UGT2B4: variants seen among roughly 807,000 people sequenced by gnomAD.
UGT2B4 encodes UDP glucuronosyltransferase family 2 member B4.
Under a neutral mutation model 49.8 loss-of-function variants are expected in UGT2B4, and 49 were observed. The observed-to-expected ratio is 0.98, with a 90% CI of 0.78 to 1.25. UGT2B4 has a LOEUF of 1.25. UGT2B4 is among the 50% of genes most tolerant of loss of function. The pLI, the probability that UGT2B4 is intolerant of heterozygous loss-of-function variation, is 0.00. For synonymous variants in UGT2B4, 246 were observed against 217.7 expected (o/e 1.13, Z -1.14); for missense variants, 729 against 627.7 (o/e 1.16, Z -1.73).
rs370531105 is a variant in UGT2B4, at chr4:69,495,328, G to T, written c.534C>A (p.Tyr178Ter). 4.5e-5 allele frequency: 73 copies of T among 1,612,568 alleles called. No homozygotes were observed. The Admixed American group carries it at 8.7e-4, about 19-fold the overall frequency. ...FVYSLRFSPG[Y>*]AIEKHSGGLL... ...GTCCTCCACTATGCTTTTCAATTGC[G>T]TAGCCAGGAGAGAAGCGGAGGCTGT... Residue 178 changes from tyrosine (Y) to a stop codon, truncating the protein, a stop_gained, in exon 1 of 6, where the codon TAC (tyrosine) becomes TAA (stop). Transcript: ENST00000305107. LOFTEE classifies it high-confidence loss of function.
rs780277197 is a variant in UGT2B4, at chr4:69,495,794, C to G, written c.68G>C (p.Cys23Ser). 2.5e-6 allele frequency: 4 copies of G among 1,613,656 alleles called. No homozygotes were observed. The East Asian group carries it at 8.9e-5, about 36-fold the overall frequency. Residue 23 changes from cysteine to serine, a missense_variant, in exon 1 of 6, where the codon TGT (cysteine) becomes TCT (serine). Coordinates refer to ENST00000305107, the MANE Select transcript of UGT2B4 (RefSeq NM_021139.3). ...QLSCYFSSGS[C>S]GKVLVWPTEF... Reference sequence around the variant, plus strand: ...TGTGGGCCACACCAGCACCTTTCCACAACTCCCAGAGCTAAAGTAACAGCT... The same window carrying G: ...TGTGGGCCACACCAGCACCTTTCCAGAACTCCCAGAGCTAAAGTAACAGCT...
chr4:69,508,150 A>G (rs1728521612), intron 1 of UGT2B4, among the ~76,000 whole-genome samples: 2 of 152,232 alleles, frequency 1.3e-5, no homozygotes, highest in Admixed American at 1.3e-4. Context: ...ATGAGATACC[A>G]ACTCACACCA....
chr4:69,486,244 A>G (rs1201632232), intron 4 of UGT2B4, among the ~76,000 whole-genome samples: 3 of 152,168 alleles, frequency 2.0e-5, no homozygotes, highest in Non-Finnish European at 4.4e-5. Flanking sequence ...ATCCCTGGTG[A>G]TAGCAGAAGA....
At chr4:69,485,018 T>C (rs1389222688) in intron 5 of UGT2B4, among the ~76,000 whole-genome samples, 190 bp downstream of exon 5, 1 of 152,186 alleles carries the variant, frequency 6.6e-6, no homozygotes, top group Non-Finnish European at 1.5e-5. Context: ...TAATTGATTA[T>C]TCATTAAATG....
intron 2 of UGT2B4, among the ~76,000 whole-genome samples, chr4:69,492,180 T>G (rs1218375492): frequency 6.6e-6 from 1 of 152,040 alleles, no homozygotes; most frequent in Non-Finnish European, 1.5e-5. Flanking sequence ...TTTCTGTGCT[T>G]CTCTCTCAGG....
chr4:69,500,687 G>C, upstream of UGT2B4, among the ~76,000 whole-genome samples: 1 of 140,700 alleles, frequency 7.1e-6, no homozygotes, highest in Admixed American at 7.1e-5. Flanking sequence ...AGAAAAGAAA[G>C]CAAGCAGGAT....
chr4:69,500,618 A>AAAG (rs1560438355), upstream of UGT2B4, among the ~76,000 whole-genome samples: 16 of 82,470 alleles, frequency 1.9e-4, 1 homozygote, highest in African/African-American at 5.6e-4. Context: ...AGAAAGAAAG[A>AAAG]AAGAAAGAAA....
intron 2 of UGT2B4, among the ~76,000 whole-genome samples, chr4:69,493,047 C>G (rs1489553234): frequency 6.6e-6 from 1 of 152,090 alleles, no homozygotes; most frequent in Non-Finnish European, 1.5e-5. Context: ...TCTTATCTTG[C>G]CTATCAGCAT....
chr4:69,502,122 T>TTTCTTTCTTTCTTTCTTTCTTTCTTTC lies in UGT2B4; in HGVS notation c.-105-6183_-105-6157dup, dbSNP rs1553896679. ...CTTTCTTTCTTTCTTTCTTTCTTTC[T>TTTCTTTCTTTCTTTCTTTCTTTCTTTC]TTCTTTCTTTCTTTCTTTCTTTCTT... is the stretch of plus-strand genomic sequence containing the variant. On this transcript the variant is annotated intron_variant, in intron 1 of 1. Coordinates refer to the UGT2B4 transcript ENST00000510114. 2.1e-3 allele frequency among the ~76,000 whole-genome samples: 302 copies of TTTCTTTCTTTCTTTCTTTCTTTCTTTC among 141,548 alleles called. 13 individuals carry two copies. Among genetic ancestry groups the TTTCTTTCTTTCTTTCTTTCTTTCTTTC allele is most frequent in the African/African-American group, 7.5e-3 (271 of 36,002 alleles). The allele number at this position is 141,548 out of a possible 152,430, so 92.9% of individuals were successfully genotyped here. A position where few individuals can be genotyped will look rare whatever the true frequency, so the allele number is the denominator to read the frequency against.
chr4:69,501,173 G>A (rs912733530), intron 1 of UGT2B4, among the ~76,000 whole-genome samples: 6 of 149,696 alleles, frequency 4.0e-5, no homozygotes, highest in Non-Finnish European at 8.9e-5. Flanking sequence ...GTGCAGTGAG[G>A]ACTGCCATTT....
chr4:69,489,575 GA>G lies in UGT2B4; in HGVS notation c.871-6del, dbSNP rs199604241. On this transcript the variant is annotated splice_polypyrimidine_tract_variant and splice_region_variant and intron_variant, in intron 2 of 5. Transcript: ENST00000305107. ...CTGGACAAACTCTTCCATTTCCTGT[GA>G]AAAAAAAGAATTTGTTCTATCATAA... The G allele has an allele frequency of 1.2e-3, 1,923 of 1,595,084 alleles. 35 individuals carry two copies. In the East Asian group the frequency reaches 0.039, roughly 32 times the overall value.
intron 1 of UGT2B4, among the ~76,000 whole-genome samples, chr4:69,502,801 G>A (rs901949203): frequency 1.3e-5 from 2 of 152,104 alleles, no homozygotes; most frequent in Non-Finnish European, 2.9e-5. Context: ...GACCCTAAAT[G>A]CCATATTCAC....
chr4:69,494,004 A>G (rs1461355978), intron 1 of UGT2B4, among the ~76,000 whole-genome samples, 163 bp from the exon 2 acceptor site: 4 of 152,126 alleles, frequency 2.6e-5, no homozygotes, highest in Non-Finnish European at 4.4e-5. Context: ...ATTTTTATGT[A>G]TTATATATTT....
intron 3 of UGT2B4, among the ~76,000 whole-genome samples, chr4:69,487,905 T>G (rs761224915): frequency 8.5e-5 from 13 of 152,214 alleles, no homozygotes; most frequent in Non-Finnish European, 1.5e-4. Flanking sequence ...CTACCAAATT[T>G]AATATTAATT....
At chr4:69,504,332 T>C (rs1159821212) in intron 1 of UGT2B4, among the ~76,000 whole-genome samples, 1 of 152,028 alleles carries the variant, frequency 6.6e-6, no homozygotes, top group African/African-American at 2.4e-5. Context: ...AAAATGATAA[T>C]AAATTATCAT....
rs41292303 is a variant in UGT2B4, at chr4:69,489,374, G to A, written c.1002+65C>T. The stretch of plus-strand genomic sequence containing the variant: ...ATAGGCAGGAAGTTTCTACAATTGG[G>A]TTCTTTACAAACTTTAACAGCCTCT... On this transcript the variant is annotated intron_variant, in intron 3 of 5. Coordinates refer to ENST00000305107, the MANE Select transcript of UGT2B4 (RefSeq NM_021139.3). 1.8e-3 allele frequency: 2,907 copies of A among 1,587,662 alleles called. 7 individuals are homozygous for A. Among genetic ancestry groups the A allele is most frequent in the Non-Finnish European group, 2.4e-3 (2,762 of 1,165,186 alleles).
upstream of UGT2B4, among the ~76,000 whole-genome samples, chr4:69,499,889 T>G (rs1728257312): frequency 6.6e-6 from 1 of 152,192 alleles, no homozygotes; most frequent in Non-Finnish European, 1.5e-5. Context: ...CATAATCCAG[T>G]TACTGAGTAT....
intron 2 of UGT2B4, 125 bp from the exon 3 acceptor site, chr4:69,489,695 T>C (rs1334590142): frequency 1.5e-6 from 2 of 1,375,032 alleles, no homozygotes; most frequent in African/African-American, 1.5e-5. Flanking sequence ...AGGATGTTTT[T>C]TAACTGACTC....
upstream of UGT2B4, among the ~76,000 whole-genome samples, chr4:69,497,279 T>C (rs1453590972): frequency 1.3e-5 from 2 of 152,200 alleles, no homozygotes; most frequent in African/African-American, 4.8e-5. Flanking sequence ...CAACTCCTAC[T>C]GATTTTATCT....
Sources: allele counts gnomAD v4.1 joint callset (sites outside exome capture counted in the v4.1 genomes callset), GRCh38; gene constraint gnomAD v4.1.1; transcripts MANE v1.5; gene names NCBI Gene and HGNC (gene_info 2026-07-23, HGNC 2026-07-21).